ZNF747: variants seen among roughly 807,000 people sequenced by gnomAD.
ZNF747 encodes zinc finger protein 747, also known as KRAB domain-containing protein ZNF747.
ZNF747 carries 14 observed loss-of-function variants against 13.4 expected under a neutral mutation model. That is an observed-to-expected ratio of 1.04 (90% CI 0.69 to 1.63). ZNF747 has a LOEUF of 1.63. ZNF747 is among the 40% of genes most tolerant of loss of function. The pLI is 0.00. For synonymous variants in ZNF747, 212 were observed against 206.5 expected, an observed-to-expected ratio of 1.03 and a Z score of -0.23; for missense variants, 532 against 477.9, an observed-to-expected ratio of 1.11 and a Z score of -1.05.
chr16:30,534,288 C>T lies in ZNF747; in HGVS notation c.252G>A (p.Ala84=), dbSNP rs560711730. The change falls in exon 2 of 3, where the codon GCG becomes GCA. Residue 84 remains alanine, a synonymous_variant. Transcript: ENST00000693075. ...GALGVGGSKP[A]LISWVEEKAE... ...CCTTCTCCTCCACCCAGGAGATGAG[C>T]GCCGGCTTGCTGCCTCCGACTCCTG... 2.3e-5 allele frequency: 37 copies of T among 1,584,600 alleles called. 1 individual carries two copies. The East Asian group carries it at 8.2e-4, about 35-fold the overall frequency.
rs1366150954 is a variant in ZNF747, at chr16:30,532,770, TCGGGACAGCGGTGGGGC to T, written c.708_724del (p.Pro237ValfsTer54). ...GCGGCGCATGAAGGCCCGACCACACTCGGGACAGCGGTGGGGCCGCTCCCCACGATGGATGGCCCGGT... is the reference window on the plus strand; with the variant it reads ...GCGGCGCATGAAGGCCCGACCACACTCGCTCCCCACGATGGATGGCCCGGT... On this transcript the variant is annotated frameshift_variant, in exon 3 of 3. Transcript: ENST00000693075. LOFTEE classifies it low-confidence loss of function (END_TRUNC). 1.3e-6 allele frequency: 2 copies of T among 1,548,740 alleles called. No homozygotes were observed. The highest frequency in any genetic ancestry group is 1.2e-5 in the South Asian group (1 of 84,602).
Position 30,534,712 on chromosome 16 carries a change from C to A in ZNF747, c.-33G>T. 2 of 1,482,988 alleles carry A rather than the reference C, an allele frequency of 1.3e-6. No homozygotes were observed. Among genetic ancestry groups the A allele is most frequent in the Non-Finnish European group, 1.8e-6 (2 of 1,119,540 alleles). The allele number at this position is 1,482,988 out of a possible 1,614,324, so 91.9% of individuals were successfully genotyped here. A position where few individuals can be genotyped will look rare whatever the true frequency, so the allele number is the denominator to read the frequency against. On this transcript the variant is annotated 5_prime_UTR_variant, in exon 1 of 3. Transcript: ENST00000693075. ...GGCCAGGCCTGGGCATGCGGAACCT[C>A]CCGCGCCCGAGAACACTTCCCCGGC...
In ZNF747 at chr16:30,534,456, G is replaced by C; in HGVS notation, c.224C>G (p.Ala75Gly). The change falls in exon 1 of 3, where the codon GCG becomes GGG. Residue 75 changes from alanine to glycine, a missense_variant. Physicochemically the swap from Ala to Gly is moderately conservative, Grantham distance 60. Transcript: ENST00000693075. ...VMRETYGHLG[A>G]LGVGGSKPAL... Reference sequence around the variant, plus strand: ...CAAGCAGGTGGGGCTCTCACCGAGCGCGCCCAGGTGGCCGTAGGTCTCCCG... The same window carrying C: ...CAAGCAGGTGGGGCTCTCACCGAGCCCGCCCAGGTGGCCGTAGGTCTCCCG... 6.3e-7 allele frequency: 1 copy of C among 1,589,230 alleles called. No homozygotes were observed. The highest frequency in any genetic ancestry group is 8.6e-7 in the Non-Finnish European group (1 of 1,168,878).
intron 2 of ZNF747, among the ~76,000 whole-genome samples, 182 bp downstream of exon 2, chr16:30,534,015 C>G (rs1004029602): frequency 4.6e-5 from 7 of 152,174 alleles, no homozygotes; most frequent in African/African-American, 1.7e-4. Context: ...AGGGCCAGAG[C>G]CCCCATCACA....
rs1295912107 is a variant in ZNF747 at position 30,530,481 on chromosome 16, G to C, written c.*2018C>G. ...TGGGCTTTCCCCAGGCTGTGTTGAG[G>C]GTTAGGGGAGGGGACTGAGATGTAC... On this transcript the variant is annotated 3_prime_UTR_variant, in exon 3 of 3. Coordinates refer to ENST00000693075, the MANE Select transcript of ZNF747 (RefSeq NM_001305018.2). This position sits in a 1 kb window ranked among gnomAD's most constrained non-coding sequence, Gnocchi z 4.4. 1 of 152,220 alleles carries C rather than the reference G, an allele frequency of 6.6e-6. No individual in the cohort carries two copies. Among genetic ancestry groups the C allele is most frequent in the Non-Finnish European group, 1.5e-5 (1 of 68,088 alleles). The allele number at this position is 152,220 out of a possible 1,614,324, so 9.4% of individuals were successfully genotyped here. A position where few individuals can be genotyped will look rare whatever the true frequency, so the allele number is the denominator to read the frequency against.
Position 30,532,877 on chromosome 16 carries a change from GC to G in ZNF747, c.617del (p.Gly206AlafsTer20), listed in dbSNP as rs1341508310. The part of the protein sequence containing the change: ...TLVEHIYSHR[G>X]EKPFHCADCG... The stretch of plus-strand genomic sequence containing the variant: ...AGTCTGCGCAGTGGAAGGGCTTCTC[GC>G]CCCTGTGGCTGTAAATGTGCTCCAC... On this transcript the variant is annotated frameshift_variant, in exon 3 of 3. Coordinates refer to ENST00000693075, the MANE Select transcript of ZNF747 (RefSeq NM_001305018.2). LOFTEE classifies it low-confidence loss of function (END_TRUNC). The G allele has an allele frequency of 6.3e-7, 1 of 1,593,440 alleles. No homozygotes were observed. The highest frequency in any genetic ancestry group is 2.2e-5 in the East Asian group (1 of 44,464).
chr16:30,532,661 C>G lies in ZNF747; in HGVS notation c.834G>C (p.Lys278Asn), dbSNP rs1378233805. ...CCCATTGGTGCTTGGCCATGCCGGT[C>G]TTCAGGCCGAAGCAGCGGCCACACT... ...CPQCGRCFGL[K>N]TGMAKHQWVH... Residue 278 changes from lysine to asparagine, a missense_variant, in exon 3 of 3, where the codon AAG (lysine) becomes AAC (asparagine). Lys to Asn is a moderately conservative substitution (Grantham distance 94). Coordinates refer to ENST00000693075, the MANE Select transcript of ZNF747 (RefSeq NM_001305018.2). 3 of 1,539,462 alleles carry G rather than the reference C, an allele frequency of 1.9e-6. No homozygotes were observed. The Admixed American group carries it at 5.9e-5, about 30-fold the overall frequency.
At chr16:30,533,742 T>G (rs1053653507) in intron 2 of ZNF747, among the ~76,000 whole-genome samples, 1 of 139,544 alleles carries the variant, frequency 7.2e-6, no homozygotes, top group Non-Finnish European at 1.5e-5. Context: ...TCTTTAAAAT[T>G]TTTTTAATTA....
chr16:30,532,972 CA>C lies in ZNF747; in HGVS notation c.522del (p.Val175SerfsTer51), dbSNP rs774387153. ...CCGTGACGCTGGTCAGCTCGGGGGACAGGGGGGTGGGCAAAAAAGCGGGGGC... is the reference window on the plus strand; with the variant it reads ...CCGTGACGCTGGTCAGCTCGGGGGACGGGGGGTGGGCAAAAAAGCGGGGGC... ...RSRPRFFAHP[P>X]VPRADQRHGC... is the part of the protein sequence containing the mutation. On this transcript the variant is annotated frameshift_variant, in exon 3 of 3. Coordinates refer to ENST00000693075, the MANE Select transcript of ZNF747 (RefSeq NM_001305018.2). LOFTEE classifies it low-confidence loss of function (END_TRUNC). 12 of 1,606,410 alleles carry C rather than the reference CA, an allele frequency of 7.5e-6. No homozygotes were observed. The highest frequency in any genetic ancestry group is 5.0e-5 in the Admixed American group (3 of 59,554).
chr16:30,533,257 G>A (rs2051406988), intron 2 of ZNF747, 106 bp from the exon 3 acceptor site: 1 of 1,416,090 alleles, frequency 7.1e-7, no homozygotes, highest in African/African-American at 1.4e-5. Flanking sequence ...CTGCTCCTAG[G>A]AGATGGAGGA....
chr16:30,530,850 T>C lies in ZNF747; in HGVS notation c.*1649A>G, dbSNP rs1359492555. ...GCCCTTGCTCTCCTTGGGCAGGTGT[T>C]GTCCTGACCAGAGGCAGGGCAGGGG... On this transcript the variant is annotated 3_prime_UTR_variant, in exon 3 of 3. Transcript: ENST00000693075. The surrounding 1 kb of genome is among the most constrained non-coding windows in gnomAD (Gnocchi z 4.4). 6.6e-6 allele frequency: 1 copy of C among 152,336 alleles called. No homozygotes were observed. Among genetic ancestry groups the C allele is most frequent in the African/African-American group, 2.4e-5 (1 of 41,466 alleles). The allele number at this position is 152,336 out of a possible 1,614,324, so 9.4% of individuals were successfully genotyped here. A position where few individuals can be genotyped will look rare whatever the true frequency, so the allele number is the denominator to read the frequency against.
rs766173457 is a variant in ZNF747, at chr16:30,532,743, G to C, written c.752C>G (p.Thr251Arg). Residue 251 changes from threonine to arginine, a missense_variant, in exon 3 of 3, where the codon ACG becomes AGG. Transcript: ENST00000693075. ...AACGCGCAGGTGAGAAGTCAGCGCCGTGCGGCGCATGAAGGCCCGACCACA... is the reference window on the plus strand; with the variant it reads ...AACGCGCAGGTGAGAAGTCAGCGCCCTGCGGCGCATGAAGGCCCGACCACA... ...PECGRAFMRR[T>R]ALTSHLRVHT... 1.0e-5 allele frequency: 16 copies of C among 1,542,558 alleles called. No homozygotes were observed. Among genetic ancestry groups the C allele is most frequent in the African/African-American group, 6.8e-5 (5 of 73,118 alleles).
chr16:30,533,089 C>T lies in ZNF747; in HGVS notation c.406G>A (p.Asp136Asn), dbSNP rs1008056356. The T allele has an allele frequency of 6.8e-6, 11 of 1,612,554 alleles. No homozygotes were observed. The highest frequency in any genetic ancestry group is 7.6e-6 in the Non-Finnish European group (9 of 1,180,018). The change falls in exon 3 of 3, where the codon GAC (aspartate) becomes AAC (asparagine). Residue 136 changes from aspartate (D) to asparagine (N), a missense_variant. By Grantham distance (23) the Asp-to-Asn change is conservative (BLOSUM62 1). Transcript: ENST00000693075. ...REGTGALEKP[D>N]PVAAGSPGLK... ...CCAGGAGACCCGGCGGCCACAGGGT[C>T]GGGCTTCTCCAGGGCTCCCGTCCCT...
chr16:30,533,339 C>A (rs2051408259), intron 2 of ZNF747, among the ~76,000 whole-genome samples, 188 bp from the exon 3 acceptor site: 1 of 152,118 alleles, frequency 6.6e-6, no homozygotes, highest in Admixed American at 6.5e-5. Context: ...CGCCTCCGGG[C>A]TGGGGAAATG....
At position 30,534,849 on chromosome 16, in the gene ZNF747, C is replaced by A; in HGVS notation, c.-170G>T. 9.4e-7 allele frequency: 1 copy of A among 1,060,832 alleles called. No individual in the cohort carries two copies. Among genetic ancestry groups the A allele is most frequent in the South Asian group, 1.8e-5 (1 of 55,252 alleles). The allele number at this position is 1,060,832 out of a possible 1,614,324, so 65.7% of individuals were successfully genotyped here. A position where few individuals can be genotyped will look rare whatever the true frequency, so the allele number is the denominator to read the frequency against. On this transcript the variant is annotated 5_prime_UTR_variant, in exon 1 of 3. Coordinates refer to ENST00000693075, the MANE Select transcript of ZNF747 (RefSeq NM_001305018.2). ...CATGGTCAGAACTGGACGATGTCTT[C>A]AAATAAAACGGCGGCAGCGCGACCT... is the stretch of plus-strand genomic sequence containing the variant.
chr16:30,533,238 G>A, intron 2 of ZNF747, 87 bp from the exon 3 acceptor site: 2 of 1,548,836 alleles, frequency 1.3e-6, no homozygotes, highest in South Asian at 1.2e-5. Flanking sequence ...AGGCCTGCTG[G>A]ACCCCCGACT....
Position 30,534,856 on chromosome 16 carries a change from A to C in ZNF747, c.-177T>G. The C allele has an allele frequency of 1.4e-5, 14 of 1,001,508 alleles. No individual in the cohort carries two copies. The highest frequency in any genetic ancestry group is 1.2e-4 in the East Asian group (4 of 34,254). 62.0% of individuals were successfully genotyped at this position (1,001,508 alleles called of 1,614,324 possible). A position where few individuals can be genotyped will look rare whatever the true frequency, so the allele number is the denominator to read the frequency against. ...AGAACTGGACGATGTCTTCAAATAA[A>C]ACGGCGGCAGCGCGACCTCTCGACC... On this transcript the variant is annotated 5_prime_UTR_variant, in exon 1 of 3. Coordinates refer to ENST00000693075, the MANE Select transcript of ZNF747 (RefSeq NM_001305018.2).
Position 30,532,645 on chromosome 16 carries a change from G to A in ZNF747, c.850C>T (p.His284Tyr). 6 of 1,540,546 alleles carry A rather than the reference G, an allele frequency of 3.9e-6. No homozygotes were observed. Among genetic ancestry groups the A allele is most frequent in the Non-Finnish European group, 5.2e-6 (6 of 1,147,406 alleles). The change falls in exon 3 of 3, where the codon CAC becomes TAC. Residue 284 changes from histidine to tyrosine, a missense_variant. Physicochemically the swap from His to Tyr is moderately conservative, Grantham distance 83. Coordinates refer to ENST00000693075, the MANE Select transcript of ZNF747 (RefSeq NM_001305018.2). ...CFGLKTGMAK[H>Y]QWVHRPGGEG... Reference sequence around the variant, plus strand: ...CCCCCGGGCCGATGGACCCATTGGTGCTTGGCCATGCCGGTCTTCAGGCCG... The same window carrying A: ...CCCCCGGGCCGATGGACCCATTGGTACTTGGCCATGCCGGTCTTCAGGCCG...
At position 30,532,562 on chromosome 16, in the gene ZNF747, G is replaced by A. The variant is rs1228117848; in HGVS notation, c.933C>T (p.Arg311=). Residue 311 remains arginine, a synonymous_variant, in exon 3 of 3, where the codon CGC becomes CGT. Coordinates refer to ENST00000693075, the MANE Select transcript of ZNF747 (RefSeq NM_001305018.2). ...AGCCCACAGGCGGGTCCAGGTCCCC[G>A]CGGACAGGAGTCAGGGTCACAGACA... ...GGLSVTLTPV[R]GDLDPPVGFQ... is the part of the protein sequence containing the mutation. 2 of 1,583,882 alleles carry A rather than the reference G, an allele frequency of 1.3e-6. No homozygotes were observed. Among genetic ancestry groups the A allele is most frequent in the African/African-American group, 1.3e-5 (1 of 74,220 alleles).
Sources: gnomAD v4.1 joint callset for allele counts (sites outside exome capture counted in the v4.1 genomes callset) on GRCh38, gnomAD v4.1.1 for gene constraint, Gnocchi (gnomAD v3.1) non-coding constraint, MANE v1.5 for transcripts, NCBI Gene and HGNC (gene_info 2026-07-23, HGNC 2026-07-21) for gene names.